Variants in DMXL1 observed in about 807,000 individuals in gnomAD.
DMXL1 encodes the protein Dmx like 1.
DMXL1 carries 99 observed loss-of-function variants against 319.2 expected under a neutral mutation model. The observed-to-expected ratio is 0.31, with a 90% CI of 0.26 to 0.37. The LOEUF is 0.37. Among genes scored for constraint, DMXL1 ranks in the 10% least tolerant of loss-of-function variants. DMXL1 has a pLI of 1.00. For synonymous variants in DMXL1, 1,385 were observed against 1,235.2 expected, an observed-to-expected ratio of 1.12 and a Z score of -2.54; for missense variants, 3,745 against 3,595.6, an observed-to-expected ratio of 1.04 and a Z score of -1.06.
chr5:119,157,540 G>A (rs1771369507), intron 19 of DMXL1, among the ~76,000 whole-genome samples: 1 of 152,112 alleles, frequency 6.6e-6, no homozygotes, highest in African/African-American at 2.4e-5. Context: ...TTCTGCATGT[G>A]GTTATCTAGT....
At chr5:119,089,277 C>CATATATATATATATATATATAT (rs1311893867) in intron 1 of DMXL1, among the ~76,000 whole-genome samples, 3 of 31,506 alleles carry the variant, frequency 9.5e-5, no homozygotes, top group South Asian at 3.8e-3. Flanking sequence ...TATATATATA[C>CATATATATATATATATATATAT]ATATATATAT....
At position 119,170,355 on chromosome 5, in the gene DMXL1, G is replaced by T. The variant is rs1270795780; in HGVS notation, c.5564G>T (p.Arg1855Ile). 36 of 1,613,942 alleles carry T rather than the reference G, an allele frequency of 2.2e-5. No individual in the cohort carries two copies. The highest frequency in any genetic ancestry group is 2.9e-5 in the Non-Finnish European group (34 of 1,179,952). ...GLAGTINLSE[R>I]RLFFTTASAH... ...GCAGGAACAATTAATTTAAGTGAAAGACGTTTATTTTTTACCACTGCCAGT... is the reference window on the plus strand; with the variant it reads ...GCAGGAACAATTAATTTAAGTGAAATACGTTTATTTTTTACCACTGCCAGT... The change falls in exon 24 of 44, where the codon AGA (arginine) becomes ATA (isoleucine). Residue 1855 changes from arginine (R) to isoleucine (I), a missense_variant. Arg to Ile is a moderately conservative substitution (Grantham distance 97, BLOSUM62 -3). Coordinates refer to ENST00000539542, the MANE Select transcript of DMXL1 (RefSeq NM_001290321.3).
chr5:119,118,116 T>G (rs1761244092), intron 7 of DMXL1, among the ~76,000 whole-genome samples: 1 of 152,190 alleles, frequency 6.6e-6, no homozygotes, highest in Non-Finnish European at 1.5e-5. Context: ...TTGCTTTTAT[T>G]TTAAGGAGGT....
Position 119,196,407 on chromosome 5 carries a change from G to A in DMXL1, c.7494G>A (p.Val2498=). ...TGCGGTTGGCGATGGTGCAATTGGT[G>A]CTCAACAATTTGAAGACTTTTTATC... The part of the protein sequence containing the change: ...SLMRLAMVQL[V]LNNLKTFYPF... Residue 2498 remains valine, a synonymous_variant, in exon 31 of 44, where the codon GTG becomes GTA. Coordinates refer to ENST00000539542, the MANE Select transcript of DMXL1 (RefSeq NM_001290321.3). The A allele has an allele frequency of 1.9e-6, 3 of 1,613,730 alleles. No homozygotes were observed. The highest frequency in any genetic ancestry group is 2.5e-6 in the Non-Finnish European group (3 of 1,179,852).
rs1299400387 is a variant in DMXL1, at chr5:119,177,357, T to C, written c.6759T>C (p.Ser2253=). 1 of 1,532,660 alleles carries C rather than the reference T, an allele frequency of 6.5e-7. No homozygotes were observed. Among genetic ancestry groups the C allele is most frequent in the African/African-American group, 1.4e-5 (1 of 71,918 alleles). 94.9% of individuals were successfully genotyped at this position (1,532,660 alleles called of 1,614,324 possible). ...YQCLCGSHNY[S]SFQTNQFTGM... ...TTTAAATATTGTTTTTTTCTCTTAGTTCATTTCAGACGAATCAGTTTACTG... is the reference window on the plus strand; with the variant it reads ...TTTAAATATTGTTTTTTTCTCTTAGCTCATTTCAGACGAATCAGTTTACTG... Residue 2253 remains serine, a splice_region_variant and synonymous_variant, in exon 27 of 44, where the codon AGT becomes AGC. Coordinates refer to ENST00000539542, the MANE Select transcript of DMXL1 (RefSeq NM_001290321.3).
intron 1 of DMXL1, among the ~76,000 whole-genome samples, chr5:119,077,834 T>C (rs900237159): frequency 6.9e-6 from 1 of 144,794 alleles, no homozygotes; most frequent in Non-Finnish European, 1.5e-5. Context: ...TTAAAAAATA[T>C]ATACGTGTGT....
chr5:119,173,249 A>C (rs994640485), intron 25 of DMXL1, among the ~76,000 whole-genome samples: 1 of 151,912 alleles, frequency 6.6e-6, no homozygotes, highest in African/African-American at 2.4e-5. Context: ...CTGAGGCAGG[A>C]GAATCACTTG....
chr5:119,171,889 C>G lies in DMXL1; in HGVS notation c.6601C>G (p.Leu2201Val). Residue 2201 changes from leucine (L) to valine (V), a missense_variant, in exon 25 of 44, where the codon CTT becomes GTT. By Grantham distance (32) the Leu-to-Val change is conservative. This residue lies in a region of DMXL1 where 1,382 missense variants were observed against 1,269.5 expected (regional missense o/e 1.09). Transcript: ENST00000539542. ...AGTAGTTGCCAATCCATTATTGCAC[C>G]TTAGTAATCTGACACATGATATTCT... ...KTVVANPLLH[L>V]SNLTHDILHA... 6.2e-7 allele frequency: 1 copy of G among 1,613,866 alleles called. No individual in the cohort carries two copies. Among genetic ancestry groups the G allele is most frequent in the South Asian group, 1.1e-5 (1 of 91,052 alleles).
rs1765439872 is a variant in DMXL1, at chr5:119,133,840, A to G, written c.1916A>G (p.His639Arg). 6.2e-7 allele frequency: 1 copy of G among 1,614,054 alleles called. No homozygotes were observed. Among genetic ancestry groups the G allele is most frequent in the Admixed American group, 1.7e-5 (1 of 60,002 alleles). Reference sequence around the variant, plus strand: ...TCCAGATATTGTGGTCATCGTTTTCATCTTAATGATTTAGCTTGCCACTCA... The same window carrying G: ...TCCAGATATTGTGGTCATCGTTTTCGTCTTAATGATTTAGCTTGCCACTCA... The part of the protein sequence containing the change: ...HKSRYCGHRF[H>R]LNDLACHSVL... The change falls in exon 12 of 44, where the codon CAT (histidine) becomes CGT (arginine). Residue 639 changes from histidine to arginine, a missense_variant. This residue lies in a region of DMXL1 where 2,096 missense variants were observed against 1,985.4 expected (regional missense o/e 1.06). Transcript: ENST00000539542.
chr5:119,246,630 C>CTT (rs11284492), intron 43 of DMXL1, among the ~76,000 whole-genome samples: 2 of 70,370 alleles, frequency 2.8e-5, no homozygotes, highest in East Asian at 4.0e-4. Context: ...TTTTCTTTTC[C>CTT]TTTTTTTTTT....
chr5:119,123,618 T>A (rs1323823752), intron 9 of DMXL1, among the ~76,000 whole-genome samples: 1 of 152,098 alleles, frequency 6.6e-6, no homozygotes, highest in African/African-American at 2.4e-5. Context: ...TTTGAACTGT[T>A]ACTTAATAAA....
chr5:119,071,366 C>T lies in DMXL1; in HGVS notation c.-204C>T. On this transcript the variant is annotated 5_prime_UTR_variant, in exon 1 of 44. Transcript: ENST00000539542. ...GCGCGGCGCTCCGCCCTCTCGCCGA[C>T]CCGCCCCCTCCGGGCCTCGCCCTCC... The T allele has an allele frequency of 1.8e-6, 1 of 557,438 alleles. No individual in the cohort carries two copies. The highest frequency in any genetic ancestry group is 3.1e-6 in the Non-Finnish European group (1 of 319,634). 34.5% of individuals were successfully genotyped at this position (557,438 alleles called of 1,614,324 possible).
chr5:119,162,926 C>T (rs913811819), intron 19 of DMXL1, among the ~76,000 whole-genome samples: 3 of 152,104 alleles, frequency 2.0e-5, no homozygotes, highest in Admixed American at 2.0e-4. Flanking sequence ...TGATTCCTTG[C>T]TTGGCTTAGG....
chr5:119,168,670 G>A (rs182244469), intron 23 of DMXL1, among the ~76,000 whole-genome samples: 167 of 151,950 alleles, frequency 1.1e-3, no homozygotes, highest in Admixed American at 6.9e-3. Flanking sequence ...TGTAATGAAG[G>A]GAAAATGTAA....
intron 32 of DMXL1, among the ~76,000 whole-genome samples, chr5:119,199,350 GC>G (rs1780249532): frequency 6.6e-6 from 1 of 152,284 alleles, no homozygotes; most frequent in East Asian, 1.9e-4. Flanking sequence ...GTGCTAGTTT[GC>G]TAAGGATAGT....
chr5:119,196,510 CTGT>C (rs1478570693), intron 31 of DMXL1, 54 bp downstream of exon 31: 13 of 911,118 alleles, frequency 1.4e-5, no homozygotes, highest in African/African-American at 7.3e-5. Context: ...ACTTACTACT[CTGT>C]TGTTTTTTTT....
intron 29 of DMXL1, among the ~76,000 whole-genome samples, chr5:119,190,936 A>G (rs1439097794): frequency 6.6e-6 from 1 of 152,232 alleles, no homozygotes; most frequent in East Asian, 1.9e-4. Context: ...TGCTTGCTTC[A>G]TATCCTGAGT....
At chr5:119,220,693 T>TTG (rs1784501130) in intron 36 of DMXL1, 100 bp downstream of exon 36, 2 of 1,430,078 alleles carry the variant, frequency 1.4e-6, no homozygotes, top group Non-Finnish European at 1.9e-6. Context: ...AATGTATAGA[T>TTG]TGTAAGCAGA....
At chr5:119,211,025 A>G (rs1289977542) in intron 34 of DMXL1, among the ~76,000 whole-genome samples, 5 of 141,978 alleles carry the variant, frequency 3.5e-5, no homozygotes, top group Non-Finnish European at 1.5e-5. Context: ...TTTTTTGCCT[A>G]CTATTGAAAT....
Sources: allele counts gnomAD v4.1 joint callset (sites outside exome capture counted in the v4.1 genomes callset), GRCh38; gene constraint gnomAD v4.1.1; regional missense constraint gnomAD v4.1.1; transcripts MANE v1.5; gene names NCBI Gene and HGNC (gene_info 2026-07-23, HGNC 2026-07-21).